Variants in ABCC4 observed in about 807,000 individuals in gnomAD.
ABCC4 encodes the protein ATP-binding cassette sub-family C member 4.
In ABCC4, 102 loss-of-function variants were observed where a neutral mutation model predicts 168.5. The ratio of observed to expected loss-of-function variants is 0.61; its 90% CI spans 0.52 to 0.71. ABCC4 has a LOEUF of 0.71. ABCC4 is among the 30% of genes least tolerant of loss of function. The probability of loss-of-function intolerance (pLI) is 0.00; values close to 1 mark genes in which losing one functional copy is unlikely to be tolerated. For synonymous variants in ABCC4, 617 were observed against 590.7 expected (o/e 1.04, Z -0.65); for missense variants, 1,402 against 1,605.8 (o/e 0.87, Z 2.17).
intron 14 of ABCC4, among the ~76,000 whole-genome samples, chr13:95,168,319 G>A (rs1019326970): frequency 6.6e-6 from 1 of 152,112 alleles, no homozygotes; most frequent in Non-Finnish European, 1.5e-5. Flanking sequence ...CCTATTCCTG[G>A]GGGAGTGGGG....
intron 11 of ABCC4, among the ~76,000 whole-genome samples, chr13:95,178,516 T>A (rs1469848900): frequency 6.6e-6 from 1 of 152,088 alleles, no homozygotes; most frequent in Non-Finnish European, 1.5e-5. Flanking sequence ...CCACTTTATA[T>A]AGGGAGGTCA....
Position 95,064,486 on chromosome 13 carries a change from T to TAC in ABCC4, c.3211-1629_3211-1628dup, listed in dbSNP as rs1221472607. 6.2e-3 allele frequency among the ~76,000 whole-genome samples: 809 copies of TAC among 129,860 alleles called. 9 individuals are homozygous for TAC. The highest frequency in any genetic ancestry group is 0.021 in the African/African-American group (766 of 35,862). The allele number at this position is 129,860 out of a possible 152,430, so 85.2% of individuals were successfully genotyped here. On this transcript the variant is annotated intron_variant, in intron 25 of 30. Transcript: ENST00000645237. ...CTATATTTTGTCTCTCTCACACACA[T>TAC]ACACACACACACACGTGTATGTGTG...
chr13:95,293,690 C>G (rs1348324497), intron 1 of ABCC4, among the ~76,000 whole-genome samples: 1 of 151,874 alleles, frequency 6.6e-6, no homozygotes, highest in Non-Finnish European at 1.5e-5. Context: ...TGGTCTTGAA[C>G]TCCTGACCTT....
At chr13:95,170,457 G>T in intron 14 of ABCC4, 75 bp downstream of exon 14, 1 of 825,078 alleles carries the variant, frequency 1.2e-6, no homozygotes, top group Non-Finnish European at 1.9e-6. Flanking sequence ...AAAGGAACAT[G>T]AAATGGAGGA....
At chr13:95,025,018 C>T (rs113959468) in intron 30 of ABCC4, among the ~76,000 whole-genome samples, 9,325 of 151,842 alleles carry the variant, frequency 0.061, 958 homozygotes, top group African/African-American at 0.21. Flanking sequence ...ATTGGAGGAG[C>T]GCTAAGGTAT....
intron 26 of ABCC4, 151 bp from the exon 27 acceptor site, chr13:95,053,335 C>T (rs867106787): frequency 2.9e-6 from 2 of 687,544 alleles, no homozygotes; most frequent in Admixed American, 5.0e-5. Flanking sequence ...AACAACATAT[C>T]TATTAATGTT....
intron 19 of ABCC4, among the ~76,000 whole-genome samples, chr13:95,132,694 C>G (rs1243365019): frequency 6.6e-6 from 1 of 152,116 alleles, no homozygotes; most frequent in Non-Finnish European, 1.5e-5. Context: ...GATACAGAGG[C>G]TGGCTGACTG....
intron 27 of ABCC4, among the ~76,000 whole-genome samples, chr13:95,052,497 C>T (rs894823494): frequency 6.6e-6 from 1 of 152,128 alleles, no homozygotes; most frequent in Non-Finnish European, 1.5e-5. Flanking sequence ...AGTGGCCCAA[C>T]AGGAACCACA....
intron 26 of ABCC4, among the ~76,000 whole-genome samples, chr13:95,060,945 T>C (rs1310409042): frequency 2.0e-5 from 3 of 152,330 alleles, no homozygotes; most frequent in South Asian, 2.1e-4. Context: ...TTCTCCTTTG[T>C]GTCTCTGTGA....
chr13:95,241,762 T>C (rs1245226005), intron 3 of ABCC4, among the ~76,000 whole-genome samples: 3 of 151,346 alleles, frequency 2.0e-5, no homozygotes, highest in African/African-American at 7.2e-5. Flanking sequence ...TGCATTACTT[T>C]GAAATTCCAA....
At chr13:95,164,554 T>C in intron 15 of ABCC4, 36 bp from the exon 16 acceptor site, 2 of 1,608,366 alleles carry the variant, frequency 1.2e-6, no homozygotes, top group Non-Finnish European at 8.5e-7. Context: ...GACAAAACAG[T>C]ATACAAAACT....
chr13:95,102,029 G>C (rs954552676), intron 20 of ABCC4, among the ~76,000 whole-genome samples: 1 of 152,214 alleles, frequency 6.6e-6, no homozygotes, highest in African/African-American at 2.4e-5. Flanking sequence ...CAGAGACGTA[G>C]CATGTGGCTT....
chr13:95,227,533 A>G (rs1345815255), intron 4 of ABCC4, among the ~76,000 whole-genome samples: 1 of 152,210 alleles, frequency 6.6e-6, no homozygotes, highest in Non-Finnish European at 1.5e-5. Flanking sequence ...AAAGTATCAC[A>G]TGTGTCCAGG....
chr13:95,266,092 C>T (rs1388483954), intron 1 of ABCC4: 1 of 152,152 alleles, frequency 6.6e-6, no homozygotes, highest in African/African-American at 2.4e-5. Context: ...GTCCTGACCC[C>T]CAGTACCTGT....
At chr13:95,130,106 T>C (rs2035910957) in intron 19 of ABCC4, among the ~76,000 whole-genome samples, 1 of 151,370 alleles carries the variant, frequency 6.6e-6, no homozygotes, top group African/African-American at 2.4e-5. Context: ...AGAAAGAAAC[T>C]TAACAGAAAA....
chr13:95,166,102 T>C, intron 15 of ABCC4, 56 bp downstream of exon 15: 1 of 1,443,142 alleles, frequency 6.9e-7, no homozygotes, highest in Non-Finnish European at 9.7e-7. Flanking sequence ...CAAAGATCCA[T>C]AAGGCCATTA....
At chr13:95,025,257 ACACACCCC>A (rs1566351154) in intron 30 of ABCC4, among the ~76,000 whole-genome samples, 79 of 31,636 alleles carry the variant, frequency 2.5e-3, no homozygotes, top group South Asian at 6.8e-3. Context: ...CCACACACAC[ACACACCCC>A]CACACCCCCA....
chr13:95,247,870 A>G, intron 1 of ABCC4, 117 bp from the exon 2 acceptor site: 1 of 687,026 alleles, frequency 1.5e-6, no homozygotes, highest in Non-Finnish European at 2.5e-6. Context: ...CTATATATAG[A>G]CAGACAGATA....
At chr13:95,207,249 A>G (rs937746534) in intron 7 of ABCC4, among the ~76,000 whole-genome samples, 5 of 152,066 alleles carry the variant, frequency 3.3e-5, no homozygotes, top group Non-Finnish European at 5.9e-5. Context: ...GCTGGTCTCA[A>G]ACTCCTGACC....
Sources: allele counts gnomAD v4.1 joint callset (sites outside exome capture counted in the v4.1 genomes callset), GRCh38; gene constraint gnomAD v4.1.1; transcripts MANE v1.5; gene names NCBI Gene and HGNC (gene_info 2026-07-23, HGNC 2026-07-21).